ARHGAP25: variants seen among roughly 807,000 people sequenced by gnomAD.
ARHGAP25 encodes the protein rho GTPase-activating protein 25.
A neutral mutation model predicts 71.0 loss-of-function variants in ARHGAP25; 34 were observed. The observed-to-expected ratio is 0.48, with a 90% CI of 0.36 to 0.64. The LOEUF is 0.64. ARHGAP25 is among the 30% of genes least tolerant of loss of function. The pLI, the probability that ARHGAP25 is intolerant of heterozygous loss-of-function variation, is 0.00. For synonymous variants in ARHGAP25, 282 were observed against 296.5 expected, an observed-to-expected ratio of 0.95 and a Z score of 0.50; for missense variants, 706 against 805.1, an observed-to-expected ratio of 0.88 and a Z score of 1.49.
At chr2:68,801,944 C>T (rs1363098369) in intron 4 of ARHGAP25, among the ~76,000 whole-genome samples, 1 of 152,082 alleles carries the variant, frequency 6.6e-6, no homozygotes, top group East Asian at 1.9e-4. Flanking sequence ...CTTTCATACT[C>T]TCTAACTATC....
At chr2:68,718,756 C>T (rs76309491) in intron 2 of ARHGAP25, among the ~76,000 whole-genome samples, 1,892 of 152,232 alleles carry the variant, frequency 0.012, 31 homozygotes, top group African/African-American at 0.035. Context: ...TGACACAGAG[C>T]TCTTAAATTT....
chr2:68,715,095 C>T (rs952547317), intron 2 of ARHGAP25, among the ~76,000 whole-genome samples: 3 of 152,142 alleles, frequency 2.0e-5, no homozygotes, highest in African/African-American at 7.2e-5. Context: ...GAAGGCTTAA[C>T]TTGAACCTTG....
chr2:68,818,542 G>A (rs1029853438), intron 8 of ARHGAP25, among the ~76,000 whole-genome samples: 1 of 152,182 alleles, frequency 6.6e-6, no homozygotes, highest in Non-Finnish European at 1.5e-5. Context: ...TGGCCAGGCT[G>A]GTCTCGAACT....
intron 2 of ARHGAP25, among the ~76,000 whole-genome samples, chr2:68,720,316 CAA>C (rs11314943): frequency 1.9e-3 from 142 of 75,654 alleles, no homozygotes; most frequent in African/African-American, 4.0e-3. Flanking sequence ...ACATTTCAGT[CAA>C]AAAAAAAAAA....
At chr2:68,734,020 C>G (rs538817103), upstream of ARHGAP25, among the ~76,000 whole-genome samples, 1 of 152,270 alleles carries the variant, frequency 6.6e-6, no homozygotes, top group East Asian at 1.9e-4. Context: ...TTCCAGGGCC[C>G]AAATGCTTAA....
intron 4 of ARHGAP25, among the ~76,000 whole-genome samples, chr2:68,805,968 TG>T (rs1448532755): frequency 6.6e-6 from 1 of 152,194 alleles, no homozygotes; most frequent in African/African-American, 2.4e-5. Context: ...GGATAGGCAG[TG>T]GTTGTCCTGA....
At chr2:68,716,974 C>T (rs781036571) in intron 2 of ARHGAP25, among the ~76,000 whole-genome samples, 20 of 152,186 alleles carry the variant, frequency 1.3e-4, no homozygotes, top group South Asian at 2.1e-4. Context: ...TAGTTAAATA[C>T]AGTCACACAT....
chr2:68,799,866 C>A (rs1300466556), intron 4 of ARHGAP25, among the ~76,000 whole-genome samples: 4 of 152,138 alleles, frequency 2.6e-5, no homozygotes, highest in Admixed American at 6.5e-5. Flanking sequence ...GAAGAGGGTT[C>A]TTCCAGTCTG....
Position 68,819,173 on chromosome 2 carries a change from G to A in ARHGAP25, c.1054G>A (p.Val352Ile), listed in dbSNP as rs1681450739. 2.5e-6 allele frequency: 4 copies of A among 1,601,792 alleles called. No homozygotes were observed. Among genetic ancestry groups the A allele is most frequent in the Non-Finnish European group, 3.4e-6 (4 of 1,173,882 alleles). Residue 352 changes from valine to isoleucine, a missense_variant, in exon 9 of 11, where the codon GTC becomes ATC. Coordinates refer to ENST00000409202, the MANE Select transcript of ARHGAP25 (RefSeq NM_001007231.3). ...VMTMMIRDHE[V>I]LFPKSKDIPL... is the part of the protein sequence containing the mutation. ...GACTATGATGATCAGAGACCATGAA[G>A]TCCTCTTCCCCAAGTCCAAGGATAT...
chr2:68,711,635 C>T (rs1322174292), intron 2 of ARHGAP25, among the ~76,000 whole-genome samples: 1 of 152,064 alleles, frequency 6.6e-6, no homozygotes, highest in Non-Finnish European at 1.5e-5. Flanking sequence ...CCGTCATCTA[C>T]ATTAGGTATT....
chr2:68,801,428 C>A (rs896554428), intron 4 of ARHGAP25, among the ~76,000 whole-genome samples: 2 of 152,138 alleles, frequency 1.3e-5, no homozygotes, highest in African/African-American at 4.8e-5. Flanking sequence ...GTGCCAAAAG[C>A]CACATGAGAA....
At chr2:68,787,985 A>G in intron 4 of ARHGAP25, 29 bp downstream of exon 4, 1 of 1,575,022 alleles carries the variant, frequency 6.3e-7, no homozygotes, top group East Asian at 2.2e-5. Context: ...TTTCCTGGGC[A>G]GGTGCCTATG....
chr2:68,716,076 T>G (rs1425266194), intron 2 of ARHGAP25, among the ~76,000 whole-genome samples: 1 of 152,216 alleles, frequency 6.6e-6, no homozygotes, highest in Non-Finnish European at 1.5e-5. Flanking sequence ...CTAATGTTAC[T>G]TCCTGAGTGT....
At chr2:68,820,825 ACCT>A (rs1219453246) in intron 9 of ARHGAP25, among the ~76,000 whole-genome samples, 2 of 132,428 alleles carry the variant, frequency 1.5e-5, no homozygotes, top group African/African-American at 2.9e-5. Flanking sequence ...TAAATTATTT[ACCT>A]CCTTTTTTAC....
chr2:68,731,844 C>T (rs1186338713), upstream of ARHGAP25, among the ~76,000 whole-genome samples: 3 of 152,150 alleles, frequency 2.0e-5, no homozygotes, highest in African/African-American at 7.2e-5. Context: ...CTTTCCCCAA[C>T]ATAGCTCTCT....
chr2:68,746,711 C>CCT (rs1553395343), intron 1 of ARHGAP25, among the ~76,000 whole-genome samples: 5 of 143,848 alleles, frequency 3.5e-5, no homozygotes, highest in South Asian at 2.2e-4. Flanking sequence ...CCACCCCCCT[C>CCT]CCCATCCCCA....
intron 10 of ARHGAP25, among the ~76,000 whole-genome samples, chr2:68,824,265 TGTC>T: frequency 6.6e-6 from 1 of 151,744 alleles, no homozygotes; most frequent in East Asian, 1.9e-4. Flanking sequence ...GCCACAGATG[TGTC>T]AGAGTCCTCT....
chr2:68,781,389 C>CAAAAAAAAAAAAAAAAAAAAAAA (rs1558633154), intron 2 of ARHGAP25, among the ~76,000 whole-genome samples: 1 of 151,854 alleles, frequency 6.6e-6, no homozygotes, highest in African/African-American at 2.4e-5. Context: ...GACTCCGTCT[C>CAAAAAAAAAAAAAAAAAAAAAAA]AAAAAGAAAC....
rs1681823522 is a variant in ARHGAP25, at chr2:68,822,962, A to T, written c.1733+90A>T. On this transcript the variant is annotated intron_variant, in intron 10 of 10. Transcript: ENST00000409202. ...TCCCATCCGCCAGAGAAGTCACATCATAAAGCTTCAATTTGGGGAAGACAG... is the reference window on the plus strand; with the variant it reads ...TCCCATCCGCCAGAGAAGTCACATCTTAAAGCTTCAATTTGGGGAAGACAG... 5.2e-6 allele frequency: 7 copies of T among 1,350,188 alleles called. No individual in the cohort carries two copies. The East Asian group carries it at 1.6e-4, about 32-fold the overall frequency. 83.6% of individuals were successfully genotyped at this position (1,350,188 alleles called of 1,614,324 possible).
Sources: gnomAD v4.1 joint callset for allele counts (sites outside exome capture counted in the v4.1 genomes callset) on GRCh38, gnomAD v4.1.1 for gene constraint, MANE v1.5 for transcripts, NCBI Gene and HGNC (gene_info 2026-07-23, HGNC 2026-07-21) for gene names.